The following CHST9 variants were observed in gnomAD, a reference collection of about 807,000 sequenced individuals.
CHST9 encodes the protein GalNAc-4-sulfotransferase 2.
CHST9 carries 41 observed loss-of-function variants against 44.4 expected under a neutral mutation model. The observed-to-expected ratio is 0.92, with a 90% CI of 0.72 to 1.20. The LOEUF (loss-of-function observed/expected upper bound fraction) is 1.20. Among genes scored for constraint, CHST9 ranks in the 50% most tolerant of loss-of-function variants. CHST9 has a pLI of 0.00. For synonymous variants in CHST9, 171 were observed against 178.4 expected (o/e 0.96, Z 0.33); for missense variants, 504 against 516.5 (o/e 0.98, Z 0.23).
chr18:26,920,220 T>C (rs1408582829), intron 5 of CHST9, among the ~76,000 whole-genome samples: 1 of 152,202 alleles, frequency 6.6e-6, no homozygotes, highest in Non-Finnish European at 1.5e-5. Flanking sequence ...CCACCATCTT[T>C]CTGACCACTC....
chr18:26,946,852 C>G (rs753281463), intron 4 of CHST9, among the ~76,000 whole-genome samples: 6 of 151,962 alleles, frequency 3.9e-5, no homozygotes, highest in Non-Finnish European at 7.4e-5. Flanking sequence ...ATTTCTGAGG[C>G]CTCTGTTCTG....
intron 4 of CHST9, among the ~76,000 whole-genome samples, chr18:27,022,336 C>G (rs1374441492): frequency 6.6e-6 from 1 of 152,130 alleles, no homozygotes; most frequent in Non-Finnish European, 1.5e-5. Context: ...TTTTTCCCCA[C>G]TCATCCTTTT....
intron 2 of CHST9, among the ~76,000 whole-genome samples, chr18:27,119,937 C>T (rs1181967714): frequency 1.3e-5 from 2 of 151,938 alleles, no homozygotes. Context: ...ACTAGACTGA[C>T]TATAAGTCAC....
chr18:26,952,004 A>T (rs972327721), intron 4 of CHST9, among the ~76,000 whole-genome samples: 2 of 152,170 alleles, frequency 1.3e-5, no homozygotes, highest in Non-Finnish European at 1.5e-5. Flanking sequence ...TGGGTTCCTG[A>T]TCATATTACA....
chr18:26,917,372 A>C, intron 5 of CHST9, 22 bp from the exon 6 acceptor site: 1 of 1,599,356 alleles, frequency 6.3e-7, no homozygotes, highest in Non-Finnish European at 8.5e-7. Context: ...AAGAAGGAGA[A>C]ATGTTGAAAG....
At chr18:26,959,902 A>C (rs2056377658) in intron 4 of CHST9, among the ~76,000 whole-genome samples, 1 of 151,994 alleles carries the variant, frequency 6.6e-6, no homozygotes, top group Non-Finnish European at 1.5e-5. Context: ...GTGTAGATGA[A>C]TGTAGGGCAC....
At chr18:27,152,603 T>G (rs1226905219) in intron 1 of CHST9, among the ~76,000 whole-genome samples, 2 of 152,206 alleles carry the variant, frequency 1.3e-5, no homozygotes, top group East Asian at 3.8e-4. Context: ...ATATGCAGCA[T>G]GCACTTACAT....
At chr18:27,126,364 C>T (rs1267620533) in intron 2 of CHST9, among the ~76,000 whole-genome samples, 2 of 152,104 alleles carry the variant, frequency 1.3e-5, no homozygotes, top group African/African-American at 4.8e-5. Flanking sequence ...CCCCCAGTGC[C>T]GCCATCACAG....
chr18:26,923,199 T>C (rs988682297), intron 5 of CHST9, among the ~76,000 whole-genome samples: 1 of 152,134 alleles, frequency 6.6e-6, no homozygotes, highest in Non-Finnish European at 1.5e-5. Flanking sequence ...ATTACCATAG[T>C]GGCAAAGGCT....
At chr18:26,936,757 G>T (rs990497950) in intron 5 of CHST9, 1 of 152,148 alleles carries the variant, frequency 6.6e-6, no homozygotes, top group African/African-American at 2.4e-5. Flanking sequence ...CAACAGAAAG[G>T]AGGAAAAAGA....
In CHST9 at chr18:26,939,886, A is replaced by T. The variant is rs140251431; in HGVS notation, c.240+4443T>A. Among the ~76,000 whole-genome samples, 4 of 152,236 alleles carry T rather than the reference A, an allele frequency of 2.6e-5. No individual in the cohort carries two copies. In the East Asian group the frequency reaches 7.8e-4, roughly 30 times the overall value. The stretch of plus-strand genomic sequence containing the variant: ...TCATGTTTTACTTTTCTGATTCCAG[A>T]TTACCAGGAGGTTCTAAGCACCAGG... On this transcript the variant is annotated intron_variant, in intron 5 of 5. Transcript: ENST00000618847.
chr18:27,165,171 T>C (rs1000847708), intron 1 of CHST9, among the ~76,000 whole-genome samples: 9 of 152,174 alleles, frequency 5.9e-5, no homozygotes, highest in Admixed American at 3.3e-4. Context: ...GCAGACAAGA[T>C]GGTTTGTTTT....
At chr18:27,144,200 T>C (rs547320588) in intron 1 of CHST9, among the ~76,000 whole-genome samples, 4 of 152,346 alleles carry the variant, frequency 2.6e-5, no homozygotes, top group South Asian at 2.1e-4. Context: ...GAAGATATCA[T>C]GCACATTGCT....
intron 4 of CHST9, among the ~76,000 whole-genome samples, chr18:26,978,954 C>A (rs1329250557): frequency 6.6e-6 from 1 of 152,036 alleles, no homozygotes; most frequent in Non-Finnish European, 1.5e-5. Flanking sequence ...CTAGGTGACT[C>A]ATGTGACAAG....
chr18:26,925,142 AT>A (rs372570432), intron 5 of CHST9, among the ~76,000 whole-genome samples: 28 of 152,230 alleles, frequency 1.8e-4, no homozygotes, highest in African/African-American at 5.3e-4. Context: ...ACAAAAAAAA[AT>A]TTGGCACAGG....
At chr18:27,175,050 T>C (rs1358111663) in intron 1 of CHST9, among the ~76,000 whole-genome samples, 1 of 152,230 alleles carries the variant, frequency 6.6e-6, no homozygotes, top group Non-Finnish European at 1.5e-5. Flanking sequence ...ATCTAAAACA[T>C]AGTAAGTGCC....
intron 2 of CHST9, among the ~76,000 whole-genome samples, chr18:27,094,333 G>A (rs1449089692): frequency 1.3e-5 from 2 of 152,054 alleles, no homozygotes; most frequent in East Asian, 3.9e-4. Context: ...ACTCTCATTT[G>A]TTTATTGTTG....
intron 4 of CHST9, among the ~76,000 whole-genome samples, chr18:26,970,083 G>A (rs1022688777): frequency 2.0e-5 from 3 of 152,052 alleles, no homozygotes; most frequent in Non-Finnish European, 4.4e-5. Flanking sequence ...ACCATGGTTG[G>A]GTGCCTAAAA....
chr18:27,094,522 T>G (rs909011975), intron 2 of CHST9, among the ~76,000 whole-genome samples: 2 of 152,232 alleles, frequency 1.3e-5, no homozygotes, highest in African/African-American at 2.4e-5. Flanking sequence ...CAATTTCTTA[T>G]GTATAACTAT....
Sources: gnomAD v4.1 joint callset for allele counts (sites outside exome capture counted in the v4.1 genomes callset) on GRCh38, gnomAD v4.1.1 for gene constraint, MANE v1.5 for transcripts, NCBI Gene and HGNC (gene_info 2026-07-23, HGNC 2026-07-21) for gene names.